PDE1C: variants seen among roughly 807,000 people sequenced by gnomAD.
PDE1C encodes the protein phosphodiesterase 1C, also known as dual specificity calcium/calmodulin-dependent 3',5'-cyclic nucleotide phosphodiesterase 1C.
PDE1C carries 62 observed loss-of-function variants against 93.1 expected under a neutral mutation model. That is an observed-to-expected ratio of 0.67 (90% CI 0.54 to 0.82). The LOEUF (loss-of-function observed/expected upper bound fraction) is 0.82. Among genes scored for constraint, PDE1C ranks in the 40% least tolerant of loss-of-function variants. The pLI, the probability that PDE1C is intolerant of heterozygous loss-of-function variation, is 0.00. For synonymous variants in PDE1C, 325 were observed against 310.1 expected (o/e 1.05, Z -0.50); for missense variants, 742 against 884.6 (o/e 0.84, Z 2.04).
chr7:31,704,401 C>T, the PDE1C span, among the ~76,000 whole-genome samples: 1 of 152,176 alleles, frequency 6.6e-6, no homozygotes, highest in East Asian at 1.9e-4. Context: ...AGACTTTGGA[C>T]TGGCAGTCTT....
At chr7:31,778,419 C>G (rs1374455567) in intron 16 of PDE1C, among the ~76,000 whole-genome samples, 1 of 152,190 alleles carries the variant, frequency 6.6e-6, no homozygotes, top group Admixed American at 6.5e-5. Context: ...TCAGCAGTGA[C>G]ACTGTGACAT....
intron 2 of PDE1C, among the ~76,000 whole-genome samples, chr7:31,900,052 G>T (rs1799783678): frequency 6.6e-6 from 1 of 152,092 alleles, no homozygotes. Flanking sequence ...AAAAGCGAAA[G>T]TGTAGTATTT....
At chr7:32,050,217 C>T (rs916892940) in intron 2 of PDE1C, among the ~76,000 whole-genome samples, 7 of 152,164 alleles carry the variant, frequency 4.6e-5, no homozygotes, top group South Asian at 2.1e-4. Context: ...AGCCTCCTAA[C>T]ATACATGAGG....
intron 1 of PDE1C, among the ~76,000 whole-genome samples, chr7:32,356,788 T>G (rs1276354799): frequency 6.6e-6 from 1 of 152,236 alleles, no homozygotes. Context: ...GCATGTGCTT[T>G]TCATACATAC....
chr7:32,270,818 A>G (rs977987793), intron 1 of PDE1C, among the ~76,000 whole-genome samples: 2 of 152,004 alleles, frequency 1.3e-5, no homozygotes, highest in Non-Finnish European at 2.9e-5. Flanking sequence ...GTTTCCTCCA[A>G]TGCAAAATGG....
intron 16 of PDE1C, among the ~76,000 whole-genome samples, chr7:31,803,920 G>A (rs553981261): frequency 8.9e-4 from 135 of 152,038 alleles, no homozygotes; most frequent in Non-Finnish European, 1.5e-3. Flanking sequence ...CCCAGTAATG[G>A]GATGGCTGGG....
chr7:31,807,920 A>G (rs1379202613), intron 16 of PDE1C, among the ~76,000 whole-genome samples: 10 of 149,838 alleles, frequency 6.7e-5, no homozygotes, highest in African/African-American at 2.0e-4. Flanking sequence ...CATTTGCATA[A>G]GCACATTGGT....
chr7:31,973,783 G>C (rs1246207334), intron 2 of PDE1C, among the ~76,000 whole-genome samples: 2 of 152,084 alleles, frequency 1.3e-5, no homozygotes, highest in Non-Finnish European at 2.9e-5. Flanking sequence ...TCTGGTTACG[G>C]GGTCTACATT....
chr7:32,172,607 G>C (rs1584900487), intron 2 of PDE1C, among the ~76,000 whole-genome samples: 1 of 152,116 alleles, frequency 6.6e-6, no homozygotes, highest in Admixed American at 6.6e-5. Flanking sequence ...TGGATCACCT[G>C]AGGTCAGGAG....
intron 1 of PDE1C, among the ~76,000 whole-genome samples, chr7:32,274,810 A>G (rs929946439): frequency 2.0e-5 from 3 of 152,244 alleles, no homozygotes; most frequent in Non-Finnish European, 4.4e-5. Flanking sequence ...ATGAATCAGA[A>G]AAATAGCTCA....
intron 16 of PDE1C, among the ~76,000 whole-genome samples, chr7:31,799,887 A>C (rs1340767715): frequency 6.6e-6 from 1 of 151,738 alleles, no homozygotes; most frequent in Non-Finnish European, 1.5e-5. Context: ...AAACAAACTG[A>C]CAAAGCTGTG....
chr7:31,998,325 G>A (rs939062184), intron 2 of PDE1C, among the ~76,000 whole-genome samples: 3 of 152,040 alleles, frequency 2.0e-5, no homozygotes, highest in African/African-American at 7.2e-5. Flanking sequence ...AGCCAGAAAC[G>A]TCTTATTTTT....
the PDE1C span, among the ~76,000 whole-genome samples, chr7:31,735,553 T>C: frequency 6.6e-6 from 1 of 152,196 alleles, no homozygotes; most frequent in Non-Finnish European, 1.5e-5. Flanking sequence ...GGACACTTAG[T>C]AGCTGTGGAT....
intron 17 of PDE1C, among the ~76,000 whole-genome samples, chr7:31,761,721 T>C (rs953485212): frequency 6.6e-6 from 1 of 152,172 alleles, no homozygotes; most frequent in Non-Finnish European, 1.5e-5. Context: ...CCTTCAGGAA[T>C]TGTTTAAGCT....
chr7:32,368,187 AAGTC>A (rs1389431460), intron 1 of PDE1C, among the ~76,000 whole-genome samples: 3 of 152,132 alleles, frequency 2.0e-5, no homozygotes, highest in African/African-American at 7.2e-5. Context: ...GTAAAGAAGG[AAGTC>A]AGATTGTCCC....
At chr7:31,823,682 C>T (rs1445799227) in intron 13 of PDE1C, among the ~76,000 whole-genome samples, 1 of 152,090 alleles carries the variant, frequency 6.6e-6, no homozygotes, top group Non-Finnish European at 1.5e-5. Flanking sequence ...CTCTACCATT[C>T]CCCTGCAAGG....
At chr7:32,056,388 C>A (rs1794106809) in intron 1 of PDE1C, among the ~76,000 whole-genome samples, 1 of 151,644 alleles carries the variant, frequency 6.6e-6, no homozygotes, top group Admixed American at 6.6e-5. Context: ...CACACACACA[C>A]ACACACACAC....
chr7:32,088,263 G>A (rs574202346), intron 3 of PDE1C, among the ~76,000 whole-genome samples: 19 of 152,102 alleles, frequency 1.2e-4, no homozygotes, highest in Non-Finnish European at 1.0e-4. Flanking sequence ...AAAGACTTCC[G>A]AAAATGTAGT....
At chr7:32,374,432 T>C (rs954960778) in intron 1 of PDE1C, among the ~76,000 whole-genome samples, 1 of 152,174 alleles carries the variant, frequency 6.6e-6, no homozygotes, top group African/African-American at 2.4e-5. Context: ...AAGGCAATTG[T>C]TTGCTGGAAC....
Sources: allele counts gnomAD v4.1 joint callset (sites outside exome capture counted in the v4.1 genomes callset), GRCh38; gene constraint gnomAD v4.1.1; transcripts MANE v1.5; gene names NCBI Gene and HGNC (gene_info 2026-07-23, HGNC 2026-07-21).